Variants in NXPE2 observed in about 807,000 individuals in gnomAD.
The protein encoded by NXPE2 is neurexophilin and PC-esterase domain family member 2.
In NXPE2, 34 loss-of-function variants were observed where a neutral mutation model predicts 34.4. The ratio of observed to expected loss-of-function variants is 0.99; its 90% CI spans 0.75 to 1.31. The LOEUF is 1.31. Ranked by LOEUF, NXPE2 falls within the 40% of genes most tolerant of loss-of-function variation. The pLI, the probability that NXPE2 is intolerant of heterozygous loss-of-function variation, is 0.00. For synonymous variants in NXPE2, 235 were observed against 231.3 expected (o/e 1.02, Z -0.15); for missense variants, 649 against 672.5 (o/e 0.97, Z 0.39).
the NXPE2 span, among the ~76,000 whole-genome samples, chr11:114,766,553 A>C: frequency 4.0e-5 from 6 of 150,226 alleles, no homozygotes; most frequent in Non-Finnish European, 7.4e-5. Context: ...TTTTTCCTTC[A>C]TTATTTTTCC....
the NXPE2 span, among the ~76,000 whole-genome samples, chr11:114,543,847 A>G: frequency 1.3e-5 from 2 of 152,220 alleles, no homozygotes; most frequent in Non-Finnish European, 2.9e-5. Context: ...CAAAGAATCT[A>G]TAGAAAATTC....
chr11:114,660,260 T>G, the NXPE2 span, among the ~76,000 whole-genome samples: 3 of 152,032 alleles, frequency 2.0e-5, no homozygotes, highest in Admixed American at 6.6e-5. Context: ...CTACTGATTT[T>G]TTTCAGAAAA....
At chr11:114,717,543 T>A in the NXPE2 span, among the ~76,000 whole-genome samples, 1 of 152,234 alleles carries the variant, frequency 6.6e-6, no homozygotes, top group Non-Finnish European at 1.5e-5. Context: ...TCAAACCCAG[T>A]CTTCACCACT....
At chr11:114,474,028 CAGTAAATTAAAG>C in the NXPE2 span, among the ~76,000 whole-genome samples, 1 of 151,946 alleles carries the variant, frequency 6.6e-6, no homozygotes, top group African/African-American at 2.4e-5. Context: ...TCAAGGTTTC[CAGTAAATTAAAG>C]TATCCTTTAT....
the NXPE2 span, among the ~76,000 whole-genome samples, chr11:114,479,588 T>G: frequency 6.6e-6 from 1 of 151,884 alleles, no homozygotes; most frequent in Non-Finnish European, 1.5e-5. Flanking sequence ...CAGTTGGAAT[T>G]GAGGTATAGG....
chr11:114,762,801 A>G, the NXPE2 span, among the ~76,000 whole-genome samples: 1 of 152,124 alleles, frequency 6.6e-6, no homozygotes, highest in Non-Finnish European at 1.5e-5. Context: ...GCCTCAACAA[A>G]TGGCACATTC....
the NXPE2 span, among the ~76,000 whole-genome samples, chr11:114,786,189 G>A: frequency 6.6e-6 from 1 of 152,316 alleles, no homozygotes; most frequent in South Asian, 2.1e-4. Flanking sequence ...TTGCGGTGCT[G>A]ATCCCCGCAG....
the NXPE2 span, among the ~76,000 whole-genome samples, chr11:114,791,902 C>CA: frequency 6.7e-4 from 102 of 152,098 alleles, no homozygotes; most frequent in African/African-American, 2.4e-3. Context: ...AAACAAAATA[C>CA]AAAAAATTAG....
At position 114,702,027 on chromosome 11, in the gene NXPE2, C is replaced by A. The variant is rs544695857; in HGVS notation, c.867-1964C>A. On this transcript the variant is annotated intron_variant, in intron 3 of 5. Coordinates refer to ENST00000389586, the MANE Select transcript of NXPE2 (RefSeq NM_182495.6). ...ATTTTCCCACCTGGGTTCTCTCCCT[C>A]AACCTTGGCTGAAGAATCAGAAATG... Among the ~76,000 whole-genome samples the A allele has an allele frequency of 1.3e-4, 20 of 152,246 alleles. No homozygotes were observed. In the South Asian group the frequency reaches 3.3e-3, roughly 25 times the overall value.
chr11:114,646,251 A>G, the NXPE2 span, among the ~76,000 whole-genome samples: 28 of 152,004 alleles, frequency 1.8e-4, no homozygotes, highest in South Asian at 4.1e-4. Flanking sequence ...TTTTAAAAAT[A>G]TGAGGGCTCT....
the NXPE2 span, chr11:114,571,113 A>T: frequency 6.2e-7 from 1 of 1,613,940 alleles, no homozygotes; most frequent in South Asian, 1.1e-5. Context: ...AAAGTCACTA[A>T]ATCTTTCTGC....
At chr11:114,496,075 C>T in the NXPE2 span, among the ~76,000 whole-genome samples, 3 of 152,272 alleles carry the variant, frequency 2.0e-5, no homozygotes, top group South Asian at 6.2e-4. Flanking sequence ...CAGCATAGCA[C>T]CAGGACTTGC....
intron 2 of NXPE2, among the ~76,000 whole-genome samples, chr11:114,688,424 C>A (rs1477822610): frequency 1.3e-5 from 2 of 152,072 alleles, no homozygotes; most frequent in Non-Finnish European, 2.9e-5. Flanking sequence ...CCTTGCATCC[C>A]TGGAATAAAG....
the NXPE2 span, among the ~76,000 whole-genome samples, chr11:114,776,465 T>C: frequency 6.6e-6 from 1 of 152,244 alleles, no homozygotes; most frequent in Non-Finnish European, 1.5e-5. Flanking sequence ...GAGAGACCTC[T>C]GGCTCGAGGC....
At chr11:114,571,955 C>T in the NXPE2 span, among the ~76,000 whole-genome samples, 1 of 152,184 alleles carries the variant, frequency 6.6e-6, no homozygotes, top group Non-Finnish European at 1.5e-5. Context: ...ACAAAACCAG[C>T]ACACTAAACA....
chr11:114,513,071 G>T, the NXPE2 span: 1 of 491,632 alleles, frequency 2.0e-6, no homozygotes, highest in South Asian at 1.7e-5. Flanking sequence ...GACCAGTTAG[G>T]TGCCATTGTT....
At chr11:114,537,389 A>C in the NXPE2 span, among the ~76,000 whole-genome samples, 364 of 152,258 alleles carry the variant, frequency 2.4e-3, no homozygotes, top group African/African-American at 7.9e-3. Flanking sequence ...GATGCCCTCT[A>C]TCAACACTCC....
chr11:114,492,691 A>T, the NXPE2 span, among the ~76,000 whole-genome samples: 2 of 152,158 alleles, frequency 1.3e-5, no homozygotes, highest in Non-Finnish European at 2.9e-5. Flanking sequence ...GGCACCCGCC[A>T]GCATGCCTGG....
the NXPE2 span, among the ~76,000 whole-genome samples, chr11:114,753,741 G>A: frequency 2.6e-5 from 4 of 152,326 alleles, no homozygotes; most frequent in South Asian, 2.1e-4. Context: ...AAATTAAATC[G>A]TATTGATCAT....
Sources: gnomAD v4.1 joint callset for allele counts (sites outside exome capture counted in the v4.1 genomes callset) on GRCh38, gnomAD v4.1.1 for gene constraint, MANE v1.5 for transcripts, NCBI Gene and HGNC (gene_info 2026-07-23, HGNC 2026-07-21) for gene names.